ZNF407: variants seen among roughly 807,000 people sequenced by gnomAD.
ZNF407 encodes the protein zinc finger protein 407.
In ZNF407, 17 loss-of-function variants were observed where a neutral mutation model predicts 131.2. The observed-to-expected ratio is 0.13, with a 90% confidence interval of 0.09 to 0.19. The LOEUF (loss-of-function observed/expected upper bound fraction) is 0.19. Ranked by LOEUF, ZNF407 falls within the 10% of genes least tolerant of loss-of-function variation. The pLI is 1.00. For synonymous variants in ZNF407, 1,156 were observed against 1,062.0 expected, an observed-to-expected ratio of 1.09 and a Z score of -1.72; for missense variants, 2,681 against 2,830.6, an observed-to-expected ratio of 0.95 and a Z score of 1.20.
At chr18:74,958,429 G>C (rs1013367190) in intron 8 of ZNF407, among the ~76,000 whole-genome samples, 1 of 152,134 alleles carries the variant, frequency 6.6e-6, no homozygotes, top group African/African-American at 2.4e-5. Context: ...GTCGAGGAGG[G>C]AGCACCTGAG....
chr18:74,864,073 T>C (rs1407016592), intron 4 of ZNF407, among the ~76,000 whole-genome samples: 1 of 152,208 alleles, frequency 6.6e-6, no homozygotes, highest in African/African-American at 2.4e-5. Flanking sequence ...GTAGACTCTA[T>C]GGGCAGGAAA....
In ZNF407 at chr18:75,063,217, C is replaced by A; in HGVS notation, c.5496C>A (p.Ser1832Arg). ...GAGCCACCTTCGTGGAGACAGACAG[C>A]CCCTTCACCGCGGCGGCCTTGGCAG... ...GQGATFVETD[S>R]PFTAAALAEE... Residue 1832 changes from serine (S) to arginine (R), a missense_variant, in exon 9 of 9, where the codon AGC becomes AGA. Physicochemically the swap from Ser to Arg is moderately radical, Grantham distance 110. Transcript: ENST00000299687. The surrounding 1 kb of genome is among the most constrained non-coding windows in gnomAD (Gnocchi z 6.6). 1 of 1,612,784 alleles carries A rather than the reference C, an allele frequency of 6.2e-7. No individual in the cohort carries two copies. The highest frequency in any genetic ancestry group is 2.2e-5 in the East Asian group (1 of 44,864).
intron 8 of ZNF407, among the ~76,000 whole-genome samples, chr18:75,034,924 A>G (rs890330472): frequency 2.0e-5 from 3 of 152,198 alleles, no homozygotes; most frequent in African/African-American, 7.2e-5. Flanking sequence ...AACTCTAGGT[A>G]AACAGTTTGT....
At chr18:74,806,986 A>C (rs1320056235) in intron 4 of ZNF407, among the ~76,000 whole-genome samples, 1 of 152,208 alleles carries the variant, frequency 6.6e-6, no homozygotes, top group Non-Finnish European at 1.5e-5. Flanking sequence ...TAGAGCTTAC[A>C]TTGTTATGGC....
intron 8 of ZNF407, among the ~76,000 whole-genome samples, chr18:75,043,133 C>T (rs1052155522): frequency 5.3e-5 from 8 of 152,300 alleles, no homozygotes; most frequent in Admixed American, 5.2e-4. Context: ...TCCCCACCAG[C>T]AGTTCATGAG....
chr18:74,709,338 A>G (rs1451462989), intron 3 of ZNF407, among the ~76,000 whole-genome samples: 2 of 152,160 alleles, frequency 1.3e-5, no homozygotes, highest in Non-Finnish European at 2.9e-5. Flanking sequence ...TATCTCTATT[A>G]TGTGTATATT....
intron 8 of ZNF407, among the ~76,000 whole-genome samples, chr18:74,928,860 G>A (rs1366731804): frequency 2.6e-5 from 4 of 152,092 alleles, no homozygotes; most frequent in African/African-American, 9.7e-5. Context: ...GTCAGCTGGG[G>A]TGGGGGAGCT....
chr18:74,753,102 G>A (rs182596286), intron 3 of ZNF407, among the ~76,000 whole-genome samples: 1 of 152,278 alleles, frequency 6.6e-6, no homozygotes, highest in Admixed American at 6.5e-5. Context: ...TCCCTTGTAA[G>A]TTGGATTCCT....
chr18:74,664,473 C>T (rs1158311932), intron 3 of ZNF407, among the ~76,000 whole-genome samples: 1 of 152,046 alleles, frequency 6.6e-6, no homozygotes, highest in East Asian at 1.9e-4. Context: ...CCAGCCTGGG[C>T]GACGGAGTGA....
At chr18:74,738,118 T>C (rs948752117) in intron 3 of ZNF407, among the ~76,000 whole-genome samples, 17 of 151,940 alleles carry the variant, frequency 1.1e-4, no homozygotes, top group African/African-American at 3.4e-4. Context: ...ATATTCACTG[T>C]TCAATTAAAA....
chr18:74,684,224 AT>A (rs996906110), intron 3 of ZNF407, among the ~76,000 whole-genome samples: 13 of 150,288 alleles, frequency 8.7e-5, no homozygotes, highest in African/African-American at 2.2e-4. Flanking sequence ...AAAAGTAAGG[AT>A]TTTTTTTTTC....
At position 75,063,396 on chromosome 18, in the gene ZNF407, C is replaced by T. The variant is rs756687783; in HGVS notation, c.5675C>T (p.Thr1892Met). 25 of 1,611,216 alleles carry T rather than the reference C, an allele frequency of 1.6e-5. No homozygotes were observed. Among genetic ancestry groups the T allele is most frequent in the East Asian group, 4.5e-5 (2 of 44,786 alleles). ...GAGACGGCCGCCGCCACGCTGCAGA[C>T]GCTGGCCATGGCCGGCCAGGTGGCC... ...VEETAAATLQ[T>M]LAMAGQVARV... Residue 1892 changes from threonine (T) to methionine (M), a missense_variant, in exon 9 of 9, where the codon ACG (threonine) becomes ATG (methionine). Thr to Met is a moderately conservative substitution (Grantham distance 81, BLOSUM62 -1). This residue lies in a region of ZNF407 where 620 missense variants were observed against 583.1 expected (regional missense o/e 1.06). Transcript: ENST00000299687. The surrounding 1 kb of genome is among the most constrained non-coding windows in gnomAD (Gnocchi z 6.6).
rs55658743 is a variant in ZNF407 at position 74,915,531 on chromosome 18, G to A, written c.5250-4983G>A. On this transcript the variant is annotated intron_variant, in intron 7 of 8. Coordinates refer to ENST00000299687, the MANE Select transcript of ZNF407 (RefSeq NM_017757.3). ...GTGTGTGCTGGTATGGTGAGGTTGT[G>A]TGCAGCATTGGTTCGAATCGGGAGT... Among the ~76,000 whole-genome samples the A allele has an allele frequency of 2.1e-4, 28 of 136,020 alleles. 1 individual carries two copies. The highest frequency in any genetic ancestry group is 6.5e-4 in the African/African-American group (23 of 35,324). 89.2% of individuals were successfully genotyped at this position (136,020 alleles called of 152,430 possible). A position where few individuals can be genotyped will look rare whatever the true frequency, so the allele number is the denominator to read the frequency against.
At chr18:75,034,603 G>GT (rs1263638698) in intron 8 of ZNF407, among the ~76,000 whole-genome samples, 82 of 145,378 alleles carry the variant, frequency 5.6e-4, no homozygotes, top group Middle Eastern at 3.5e-3. Flanking sequence ...CGCCCGGCGG[G>GT]TTTTTTTTTT....
intron 4 of ZNF407, among the ~76,000 whole-genome samples, chr18:74,821,154 T>C (rs1363887682): frequency 6.6e-6 from 1 of 151,876 alleles, no homozygotes; most frequent in Non-Finnish European, 1.5e-5. Context: ...GTAATTGCTG[T>C]GTTTGTCATT....
intron 8 of ZNF407, among the ~76,000 whole-genome samples, chr18:74,976,389 C>T (rs1260249054): frequency 6.6e-6 from 1 of 152,142 alleles, no homozygotes. Flanking sequence ...TACGAAGCTC[C>T]TTTGTGCTGC....
intron 8 of ZNF407, among the ~76,000 whole-genome samples, chr18:74,978,798 C>G (rs1972555737): frequency 1.3e-5 from 2 of 152,062 alleles, no homozygotes; most frequent in South Asian, 2.1e-4. Context: ...GAGCTGTGGA[C>G]ATGGAGGTGG....
chr18:75,047,138 C>T (rs1450663330), intron 8 of ZNF407, among the ~76,000 whole-genome samples: 1 of 152,072 alleles, frequency 6.6e-6, no homozygotes, highest in African/African-American at 2.4e-5. Flanking sequence ...GAACTGAGCC[C>T]AGTGTTACAG....
chr18:74,771,149 G>C (rs887193284), intron 3 of ZNF407, among the ~76,000 whole-genome samples: 1 of 151,900 alleles, frequency 6.6e-6, no homozygotes, highest in Non-Finnish European at 1.5e-5. Context: ...AACCAAAAGC[G>C]GTATAACATT....
Sources: allele counts gnomAD v4.1 joint callset (sites outside exome capture counted in the v4.1 genomes callset), GRCh38; gene constraint gnomAD v4.1.1; regional missense constraint gnomAD v4.1.1; non-coding constraint Gnocchi (gnomAD v3.1); transcripts MANE v1.5; gene names NCBI Gene and HGNC (gene_info 2026-07-23, HGNC 2026-07-21).